WDR62: variants seen among roughly 807,000 people sequenced by gnomAD.
WDR62 encodes the protein WD repeat-containing protein 62.
Under a neutral mutation model 160.6 loss-of-function variants are expected in WDR62, and 112 were observed. The ratio of observed to expected loss-of-function variants is 0.70; its 90% CI spans 0.60 to 0.82. WDR62 has a LOEUF of 0.82. Ranked by LOEUF, WDR62 falls within the 40% of genes least tolerant of loss-of-function variation. The pLI is 0.00. For synonymous variants in WDR62, 792 were observed against 815.1 expected, an observed-to-expected ratio of 0.97 and a Z score of 0.48; for missense variants, 1,819 against 1,983.8, an observed-to-expected ratio of 0.92 and a Z score of 1.58.
In WDR62 at chr19:36,094,177, G is replaced by T. The variant is rs757515002; in HGVS notation, c.2467+13G>T. 1 of 1,613,540 alleles carries T rather than the reference G, an allele frequency of 6.2e-7. No individual in the cohort carries two copies. The highest frequency in any genetic ancestry group is 1.1e-5 in the South Asian group (1 of 91,062). ...AGCTTGGATCCAGGTTGGAAAAGGG[G>T]CCCTATTTTGAACTATGTCAGTGTA... On this transcript the variant is annotated intron_variant, in intron 20 of 31. Coordinates refer to ENST00000401500, the MANE Select transcript of WDR62 (RefSeq NM_001083961.2).
At chr19:36,098,294 C>T (rs1044125533) in intron 21 of WDR62, among the ~76,000 whole-genome samples, 1 of 151,406 alleles carries the variant, frequency 6.6e-6, no homozygotes. Flanking sequence ...AGACCGGGTG[C>T]GGTGGCTCAC....
At chr19:36,098,513 C>T (rs1333350382) in intron 21 of WDR62, among the ~76,000 whole-genome samples, 3 of 148,408 alleles carry the variant, frequency 2.0e-5, no homozygotes, top group African/African-American at 7.5e-5. Context: ...TACAGTGAAC[C>T]GAAATCATGC....
intron 22 of WDR62, among the ~76,000 whole-genome samples, chr19:36,100,174 G>A (rs1412109112): frequency 6.6e-6 from 1 of 152,278 alleles, no homozygotes; most frequent in East Asian, 1.9e-4. Flanking sequence ...GGCTTTTACA[G>A]GAATCCATGC....
chr19:36,066,179 T>C, intron 4 of WDR62, 78 bp from the exon 5 acceptor site: 1 of 1,604,708 alleles, frequency 6.2e-7, no homozygotes, highest in East Asian at 2.2e-5. Context: ...CCTGTGGCAA[T>C]GCCATCTTCG....
intron 26 of WDR62, 91 bp from the exon 27 acceptor site, chr19:36,102,646 T>C: frequency 8.9e-7 from 1 of 1,118,876 alleles, no homozygotes; most frequent in South Asian, 1.3e-5. Flanking sequence ...TAAGGGTTTC[T>C]GGGGAGTGCC....
Position 36,066,278 on chromosome 19 carries a change from C to G in WDR62, c.412C>G (p.Arg138Gly). The G allele has an allele frequency of 6.2e-7, 1 of 1,614,190 alleles. No individual in the cohort carries two copies. The highest frequency in any genetic ancestry group is 1.1e-5 in the South Asian group (1 of 91,090). ...TGENGHRPAV[R>G]IWDVEEKNQV... ...CTAGAATGGGCATAGGCCTGCTGTG[C>G]GCATCTGGGATGTGGAGGAGAAGAA... is the stretch of plus-strand genomic sequence containing the variant. Residue 138 changes from arginine (R) to glycine (G), a missense_variant, in exon 5 of 32, where the codon CGC (arginine) becomes GGC (glycine). Physicochemically the swap from Arg to Gly is moderately radical, Grantham distance 125 (BLOSUM62 -2). Around this residue, in one of 3 missense-constraint regions of WDR62, gnomAD observed 934 missense variants for 1,157.2 expected, o/e 0.81. Coordinates refer to ENST00000401500, the MANE Select transcript of WDR62 (RefSeq NM_001083961.2).
At position 36,057,014 on chromosome 19, in the gene WDR62, C is replaced by T. The variant is rs542657992; in HGVS notation, c.178-1766C>T. ...TTTTCTGGTAGAGACAGGGTCTCGC[C>T]GTGTTGGCCAGGCTGGTCTTGAATT... On this transcript the variant is annotated intron_variant, in intron 1 of 31. Transcript: ENST00000401500. 5.3e-5 allele frequency among the ~76,000 whole-genome samples: 8 copies of T among 152,130 alleles called. No individual in the cohort carries two copies. The South Asian group carries it at 1.5e-3, about 28-fold the overall frequency.
chr19:36,101,341 C>G (rs1488581170), intron 24 of WDR62, 24 bp downstream of exon 24: 1 of 1,587,190 alleles, frequency 6.3e-7, no homozygotes, highest in African/African-American at 1.3e-5. Flanking sequence ...AGGCAGGGAC[C>G]CTGTGACAGT....
rs1490092828 is a variant in WDR62 at position 36,080,817 on chromosome 19, G to T, written c.1234-616G>T. 2.6e-5 allele frequency among the ~76,000 whole-genome samples: 4 copies of T among 152,090 alleles called. No homozygotes were observed. The East Asian group carries it at 7.7e-4, about 29-fold the overall frequency. ...TTTTGGTCTTTTTCAGCCCTGCTTG[G>T]TTAATCTTTATAATTTCTGGTTGGC... On this transcript the variant is annotated intron_variant, in intron 9 of 31. Coordinates refer to ENST00000401500, the MANE Select transcript of WDR62 (RefSeq NM_001083961.2).
At chr19:36,066,478 C>A in intron 5 of WDR62, 51 bp downstream of exon 5, 1 of 1,553,444 alleles carries the variant, frequency 6.4e-7, no homozygotes, top group Middle Eastern at 1.7e-4. Context: ...CCACAGCATC[C>A]TATGTCTTGG....
rs749514471 is a variant in WDR62 at position 36,094,062 on chromosome 19, A to T, written c.2365A>T (p.Ile789Phe). ...QDTYVSTPSE[I>F]HSLSPGEQTE... is the part of the protein sequence containing the mutation. Reference sequence around the variant, plus strand: ...TACGTATGTGTCCACACCTAGTGAGATTCACTCCCTGAGCCCTGGAGAGCA... The same window carrying T: ...TACGTATGTGTCCACACCTAGTGAGTTTCACTCCCTGAGCCCTGGAGAGCA... The change falls in exon 20 of 32, where the codon ATT (isoleucine) becomes TTT (phenylalanine). Residue 789 changes from isoleucine (I) to phenylalanine (F), a missense_variant. This residue lies in a region of WDR62 where 934 missense variants were observed against 1,157.2 expected (regional missense o/e 0.81). Coordinates refer to ENST00000401500, the MANE Select transcript of WDR62 (RefSeq NM_001083961.2). 3.1e-6 allele frequency: 5 copies of T among 1,613,974 alleles called. No homozygotes were observed. In the East Asian group the frequency reaches 1.1e-4, roughly 36 times the overall value.
intron 12 of WDR62, among the ~76,000 whole-genome samples, chr19:36,086,147 T>C (rs1972217344): frequency 6.6e-6 from 1 of 152,086 alleles, no homozygotes; most frequent in Admixed American, 6.5e-5. Flanking sequence ...TCTTGAAACA[T>C]ATCTTCACTC....
At position 36,104,590 on chromosome 19, in the gene WDR62, C is replaced by T. The variant is rs368357599; in HGVS notation, c.4226C>T (p.Pro1409Leu). The T allele has an allele frequency of 7.3e-5, 117 of 1,613,688 alleles. No individual in the cohort carries two copies. The highest frequency in any genetic ancestry group is 3.3e-4 in the Middle Eastern group (2 of 6,080). Residue 1409 changes from proline (P) to leucine (L), a missense_variant, in exon 31 of 32, where the codon CCA (proline) becomes CTA (leucine). By Grantham distance (98) the Pro-to-Leu change is moderately conservative (BLOSUM62 -3). Coordinates refer to ENST00000401500, the MANE Select transcript of WDR62 (RefSeq NM_001083961.2). ...TGGGTGCCGGTTGAAGCCCTGCCCC[C>T]ATCTCCCCTTGAGCTGAGCAGGGTG... Reference protein sequence around the residue: ...EPWVPVEALPPSPLELSRVGN... With the variant: ...EPWVPVEALPLSPLELSRVGN...
the WDR62 span, among the ~76,000 whole-genome samples, chr19:36,110,621 T>C: frequency 6.6e-6 from 1 of 152,174 alleles, no homozygotes; most frequent in South Asian, 2.1e-4. Flanking sequence ...TCTGGCTGAA[T>C]GTTAGCCCTG....
At chr19:36,099,162 C>CG in intron 21 of WDR62, among the ~76,000 whole-genome samples, 1 of 137,762 alleles carries the variant, frequency 7.3e-6, no homozygotes, top group South Asian at 2.3e-4. Context: ...GTGGAGGTTG[C>CG]AGTGAGCCAA....
At chr19:36,089,537 G>A (rs1323503675) in intron 15 of WDR62, among the ~76,000 whole-genome samples, 1 of 152,198 alleles carries the variant, frequency 6.6e-6, no homozygotes, top group Non-Finnish European at 1.5e-5. Context: ...CACCTCCTGG[G>A]TTCAAGTGAT....
chr19:36,089,373 C>T (rs1972451894), intron 15 of WDR62, 67 bp downstream of exon 15: 3 of 1,612,352 alleles, frequency 1.9e-6, no homozygotes, highest in Admixed American at 1.7e-5. Flanking sequence ...GCTTTCCTCC[C>T]TCTGTTCCTC....
intron 17 of WDR62, 29 bp downstream of exon 17, chr19:36,091,340 T>TGCCCCCC: frequency 1.9e-6 from 3 of 1,579,156 alleles, no homozygotes; most frequent in Non-Finnish European, 2.6e-6. Context: ...TTGGGATGCC[T>TGCCCCCC]CCCCACCCGC....
In WDR62 at chr19:36,090,434, T is replaced by G. The variant is rs749282519; in HGVS notation, c.1959-11T>G. 1 of 1,613,844 alleles carries G rather than the reference T, an allele frequency of 6.2e-7. No individual in the cohort carries two copies. Among genetic ancestry groups the G allele is most frequent in the Non-Finnish European group, 8.5e-7 (1 of 1,179,886 alleles). On this transcript the variant is annotated splice_polypyrimidine_tract_variant and intron_variant, in intron 15 of 31. Coordinates refer to ENST00000401500, the MANE Select transcript of WDR62 (RefSeq NM_001083961.2). ...GGCCCTGTTGGCCGCAACATGCCCC[T>G]ACTTCCCCAGAGTCTACAACACTGT...
Sources: allele counts gnomAD v4.1 joint callset (sites outside exome capture counted in the v4.1 genomes callset), GRCh38; gene constraint gnomAD v4.1.1; regional missense constraint gnomAD v4.1.1; transcripts MANE v1.5; gene names NCBI Gene and HGNC (gene_info 2026-07-23, HGNC 2026-07-21).